Variants in NUMB observed in about 807,000 individuals in gnomAD.
The protein encoded by NUMB is NUMB endocytic adaptor protein.
In NUMB, 29 loss-of-function variants were observed where a neutral mutation model predicts 59.7. The ratio of observed to expected loss-of-function variants is 0.49; its 90% CI spans 0.36 to 0.66. The LOEUF is 0.66. Among genes scored for constraint, NUMB ranks in the 30% least tolerant of loss-of-function variants. The pLI is 0.00. For synonymous variants in NUMB, 288 were observed against 288.2 expected (o/e 1.00, Z 0.01); for missense variants, 723 against 822.0 (o/e 0.88, Z 1.47).
rs553762294 is a variant in NUMB, at chr14:73,417,783, A to G, written c.-232-7715T>C. 3.9e-5 allele frequency among the ~76,000 whole-genome samples: 6 copies of G among 152,290 alleles called. No homozygotes were observed. In the East Asian group the frequency reaches 1.2e-3, roughly 29 times the overall value. On this transcript the variant is annotated intron_variant, in intron 1 of 12. Coordinates refer to ENST00000555238, the MANE Select transcript of NUMB (RefSeq NM_001005743.2). ...GTAGCCAAAAGATGAAAACAACCTA[A>G]GTGTCCACCGATGGATGAATGGCTA...
At chr14:73,363,693 A>C (rs1370484642) in intron 3 of NUMB, among the ~76,000 whole-genome samples, 2 of 152,186 alleles carry the variant, frequency 1.3e-5, no homozygotes, top group Non-Finnish European at 1.5e-5. Flanking sequence ...TCATGCTTGT[A>C]ATCCCAACAC....
At chr14:73,324,277 C>T (rs140923025) in intron 4 of NUMB, among the ~76,000 whole-genome samples, 54 of 152,312 alleles carry the variant, frequency 3.5e-4, no homozygotes, top group African/African-American at 1.2e-3. Flanking sequence ...CCCTCATAGT[C>T]CCATAGGTTG....
At chr14:73,403,861 G>A (rs758686403) in intron 2 of NUMB, among the ~76,000 whole-genome samples, 2 of 152,098 alleles carry the variant, frequency 1.3e-5, no homozygotes, top group African/African-American at 2.4e-5. Context: ...TTGGGAGGCC[G>A]AGGCGGGCGG....
At chr14:73,390,769 T>C (rs1315236189) in intron 2 of NUMB, among the ~76,000 whole-genome samples, 2 of 149,242 alleles carry the variant, frequency 1.3e-5, no homozygotes, top group East Asian at 2.0e-4. Flanking sequence ...CCTGCCTCTG[T>C]ATCCTGAGTA....
intron 3 of NUMB, among the ~76,000 whole-genome samples, chr14:73,361,115 C>T (rs1316346536): frequency 6.6e-6 from 1 of 152,106 alleles, no homozygotes; most frequent in Non-Finnish European, 1.5e-5. Flanking sequence ...GTTTTGAACT[C>T]CTGAGCTCAA....
intron 8 of NUMB, among the ~76,000 whole-genome samples, chr14:73,291,430 G>A (rs1470476392): frequency 6.6e-6 from 1 of 151,806 alleles, no homozygotes; most frequent in Non-Finnish European, 1.5e-5. Context: ...CCAGGCTGGA[G>A]TGCAGTGGTG....
chr14:73,418,268 A>G (rs1320460963), intron 1 of NUMB, among the ~76,000 whole-genome samples: 1 of 152,230 alleles, frequency 6.6e-6, no homozygotes, highest in South Asian at 2.1e-4. Context: ...TGTATATAAG[A>G]TAACCAGAAT....
Position 73,389,272 on chromosome 14 carries a change from C to CAAA in NUMB, c.-101+20662_-101+20664dup, listed in dbSNP as rs869074049. 1.6e-3 allele frequency among the ~76,000 whole-genome samples: 107 copies of CAAA among 66,396 alleles called. 1 individual carries two copies. The highest frequency in any genetic ancestry group is 2.6e-3 in the African/African-American group (45 of 17,098). The allele number at this position is 66,396 out of a possible 152,430, so 43.6% of individuals were successfully genotyped here. A position where few individuals can be genotyped will look rare whatever the true frequency, so the allele number is the denominator to read the frequency against. ...GGTTACAGAGCGAGACTCCATCTCTCAAAAAAAAAAAAAAAAAAAAACAAA... is the reference window on the plus strand; with the variant it reads ...GGTTACAGAGCGAGACTCCATCTCTCAAAAAAAAAAAAAAAAAAAAAAAACAAA... On this transcript the variant is annotated intron_variant, in intron 2 of 12. Coordinates refer to ENST00000555238, the MANE Select transcript of NUMB (RefSeq NM_001005743.2).
chr14:73,434,816 C>G (rs182522208), intron 1 of NUMB, among the ~76,000 whole-genome samples: 1 of 152,142 alleles, frequency 6.6e-6, no homozygotes, highest in South Asian at 2.1e-4. Context: ...CCAATATTAA[C>G]CAATAGCAAA....
At chr14:73,352,487 TATATA>T (rs1566756146) in intron 4 of NUMB, among the ~76,000 whole-genome samples, 1 of 5,810 alleles carries the variant, frequency 1.7e-4, no homozygotes, top group Non-Finnish European at 2.8e-4. Flanking sequence ...CATATATATA[TATATA>T]TATATATATA....
intron 8 of NUMB, among the ~76,000 whole-genome samples, chr14:73,288,555 A>C: frequency 6.6e-6 from 1 of 150,710 alleles, no homozygotes; most frequent in Non-Finnish European, 1.5e-5. Flanking sequence ...CCGTCTCAAA[A>C]AATAAATAAA....
chr14:73,423,966 C>CA (rs34582645), intron 1 of NUMB, among the ~76,000 whole-genome samples: 3,413 of 73,562 alleles, frequency 0.046, 90 homozygotes, highest in South Asian at 0.15. Context: ...ACCCTGTCTC[C>CA]AAAAAAAAAA....
intron 3 of NUMB, among the ~76,000 whole-genome samples, chr14:73,358,956 T>C (rs1893958866): frequency 6.6e-6 from 1 of 152,064 alleles, no homozygotes; most frequent in Admixed American, 6.6e-5. Flanking sequence ...AACCTCCCAC[T>C]GACAAAGGAA....
At chr14:73,358,602 CTT>C (rs35552161) in intron 3 of NUMB, among the ~76,000 whole-genome samples, 9 of 118,934 alleles carry the variant, frequency 7.6e-5, no homozygotes, top group Non-Finnish European at 5.3e-5. Flanking sequence ...GAAAGCTAGA[CTT>C]TTTTTTTTTT....
intron 4 of NUMB, among the ~76,000 whole-genome samples, chr14:73,352,683 C>T (rs1372984777): frequency 5.5e-5 from 8 of 145,914 alleles, no homozygotes; most frequent in South Asian, 2.2e-4. Flanking sequence ...TACAGGCGCC[C>T]GCCACCACGT....
intron 4 of NUMB, among the ~76,000 whole-genome samples, chr14:73,344,626 C>T (rs1046824759): frequency 2.0e-5 from 3 of 152,180 alleles, no homozygotes; most frequent in African/African-American, 7.2e-5. Flanking sequence ...TGAGTAAGTG[C>T]TTTATATCCC....
At chr14:73,336,395 G>T in intron 4 of NUMB, among the ~76,000 whole-genome samples, 1 of 152,146 alleles carries the variant, frequency 6.6e-6, no homozygotes, top group East Asian at 1.9e-4. Flanking sequence ...TTTTCATCAC[G>T]AGAGAATGAT....
At chr14:73,310,560 A>G (rs1890726993) in intron 6 of NUMB, among the ~76,000 whole-genome samples, 1 of 152,190 alleles carries the variant, frequency 6.6e-6, no homozygotes, top group South Asian at 2.1e-4. Flanking sequence ...GGGTAGATGA[A>G]AGAACTTTGC....
At chr14:73,296,026 C>G (rs1262543050) in intron 7 of NUMB, among the ~76,000 whole-genome samples, 2 of 152,142 alleles carry the variant, frequency 1.3e-5, no homozygotes, top group South Asian at 4.1e-4. Flanking sequence ...GTGTTTTCTT[C>G]AGAGCAAGAA....
Sources: gnomAD v4.1 joint callset for allele counts (sites outside exome capture counted in the v4.1 genomes callset) on GRCh38, gnomAD v4.1.1 for gene constraint, MANE v1.5 for transcripts, NCBI Gene and HGNC (gene_info 2026-07-23, HGNC 2026-07-21) for gene names.